Variants in CNTNAP2 observed in about 807,000 individuals in gnomAD.
The protein encoded by CNTNAP2 is contactin associated protein 2.
A neutral mutation model predicts 155.2 loss-of-function variants in CNTNAP2; 98 were observed. The observed-to-expected ratio is 0.63, with a 90% CI of 0.54 to 0.75. The LOEUF is 0.75. Among genes scored for constraint, CNTNAP2 ranks in the 30% least tolerant of loss-of-function variants. CNTNAP2 has a pLI of 0.00. For missense variants in CNTNAP2, 1,727 were observed against 1,688.1 expected (o/e 1.02, Z -0.40); for synonymous variants, 651 against 631.2 (o/e 1.03, Z -0.47).
intron 1 of CNTNAP2, among the ~76,000 whole-genome samples, chr7:146,535,846 T>C (rs867217981): frequency 1.3e-5 from 2 of 152,078 alleles, no homozygotes; most frequent in African/African-American, 4.8e-5. Flanking sequence ...AAACGGTTCA[T>C]CTCACATTGA....
Position 147,135,383 on chromosome 7 carries a change from A to T in CNTNAP2, c.1348+2874A>T, listed in dbSNP as rs145130231. The stretch of plus-strand genomic sequence containing the variant: ...AACAAACAAACAACAACAACAAAAA[A>T]CCCTACTTACTTTTTGAAATAAGTT... On this transcript the variant is annotated intron_variant, in intron 8 of 23. Coordinates refer to ENST00000361727, the MANE Select transcript of CNTNAP2 (RefSeq NM_014141.6). 6.7e-3 allele frequency among the ~76,000 whole-genome samples: 1,017 copies of T among 151,686 alleles called. 8 individuals are homozygous for T. The highest frequency in any genetic ancestry group is 0.023 in the African/African-American group (951 of 41,420).
At chr7:147,998,194 C>G (rs963278347) in intron 15 of CNTNAP2, among the ~76,000 whole-genome samples, 1 of 148,210 alleles carries the variant, frequency 6.7e-6, no homozygotes, top group African/African-American at 2.5e-5. Context: ...TCCCTGCAAC[C>G]TCTGCCTCCC....
intron 1 of CNTNAP2, among the ~76,000 whole-genome samples, chr7:146,300,269 T>C (rs1228272733): frequency 6.6e-6 from 1 of 152,200 alleles, no homozygotes; most frequent in African/African-American, 2.4e-5. Context: ...ATTTAGTCCA[T>C]AAATTAAATC....
chr7:146,508,143 T>C (rs1033001294), intron 1 of CNTNAP2, among the ~76,000 whole-genome samples: 1 of 152,230 alleles, frequency 6.6e-6, no homozygotes, highest in African/African-American at 2.4e-5. Flanking sequence ...TTCCATGCAC[T>C]ATCTGCACCT....
chr7:146,793,468 A>G (rs2129189576), intron 2 of CNTNAP2, among the ~76,000 whole-genome samples: 1 of 152,326 alleles, frequency 6.6e-6, no homozygotes, highest in Non-Finnish European at 1.5e-5. Context: ...ATGCAGTGGC[A>G]TTAATCTTTG....
At chr7:147,976,573 A>G (rs1474312603) in intron 14 of CNTNAP2, among the ~76,000 whole-genome samples, 1 of 152,200 alleles carries the variant, frequency 6.6e-6, no homozygotes, top group Non-Finnish European at 1.5e-5. Context: ...TGAAATAACT[A>G]AGGCAGTATA....
chr7:146,359,303 A>G (rs1370203697), intron 1 of CNTNAP2, among the ~76,000 whole-genome samples: 2 of 152,236 alleles, frequency 1.3e-5, no homozygotes, highest in Non-Finnish European at 2.9e-5. Flanking sequence ...TTCTGTGTTC[A>G]AGAAATAGAT....
chr7:147,423,621 G>A (rs959498843), intron 10 of CNTNAP2, among the ~76,000 whole-genome samples: 2 of 152,074 alleles, frequency 1.3e-5, no homozygotes, highest in Non-Finnish European at 2.9e-5. Context: ...ATTCTTTGGA[G>A]TTTTCAATAT....
intron 13 of CNTNAP2, among the ~76,000 whole-genome samples, chr7:147,834,080 T>C (rs1360873632): frequency 6.6e-6 from 1 of 152,200 alleles, no homozygotes; most frequent in African/African-American, 2.4e-5. Flanking sequence ...ATATAATCTA[T>C]AAATCAAGTC....
At chr7:147,792,866 A>G (rs1180494721) in intron 13 of CNTNAP2, among the ~76,000 whole-genome samples, 3 of 152,094 alleles carry the variant, frequency 2.0e-5, no homozygotes, top group Non-Finnish European at 2.9e-5. Context: ...AACATATGTT[A>G]TTGTCCATCT....
chr7:146,568,697 T>C (rs981390159), intron 1 of CNTNAP2, among the ~76,000 whole-genome samples: 17 of 152,158 alleles, frequency 1.1e-4, no homozygotes, highest in African/African-American at 3.9e-4. Context: ...CTACTGATTT[T>C]TGGTAGACAG....
At chr7:148,148,678 C>T (rs1162524700) in intron 17 of CNTNAP2, among the ~76,000 whole-genome samples, 1 of 152,174 alleles carries the variant, frequency 6.6e-6, no homozygotes, top group Non-Finnish European at 1.5e-5. Flanking sequence ...GGGCAGAGTC[C>T]CCACAGTGTC....
intron 8 of CNTNAP2, among the ~76,000 whole-genome samples, chr7:147,268,011 C>T (rs1413223560): frequency 6.6e-6 from 1 of 152,158 alleles, no homozygotes; most frequent in Admixed American, 6.5e-5. Flanking sequence ...CATGGTCTTT[C>T]ACTTTTCCCT....
chr7:148,290,175 T>C (rs1337701394), intron 21 of CNTNAP2, among the ~76,000 whole-genome samples: 2 of 152,322 alleles, frequency 1.3e-5, no homozygotes, highest in East Asian at 3.9e-4. Flanking sequence ...GGTTTTAGTA[T>C]TTAAGGTGAT....
chr7:146,734,776 T>C (rs1801583413), intron 1 of CNTNAP2, among the ~76,000 whole-genome samples: 1 of 152,216 alleles, frequency 6.6e-6, no homozygotes, highest in African/African-American at 2.4e-5. Flanking sequence ...TGCCATTACT[T>C]AATGATGCTA....
Position 146,502,264 on chromosome 7 carries a change from A to T in CNTNAP2, c.98-272007A>T, listed in dbSNP as rs1308863047. On this transcript the variant is annotated intron_variant, in intron 1 of 23. Coordinates refer to ENST00000361727, the MANE Select transcript of CNTNAP2 (RefSeq NM_014141.6). The stretch of plus-strand genomic sequence containing the variant: ...ATATATATATATATATATATATGTC[A>T]TATTTTCTTTATCCATTCATCTGTT... Among the ~76,000 whole-genome samples, 57 of 68,326 alleles carry T rather than the reference A, an allele frequency of 8.3e-4. 1 individual carries two copies. In the East Asian group the frequency reaches 0.023, roughly 28 times the overall value. The allele number at this position is 68,326 out of a possible 152,430, so 44.8% of individuals were successfully genotyped here.
At chr7:146,448,325 C>T (rs763818533) in intron 1 of CNTNAP2, among the ~76,000 whole-genome samples, 109 of 151,938 alleles carry the variant, frequency 7.2e-4, no homozygotes, top group Non-Finnish European at 1.2e-3. Flanking sequence ...AATTGGGTCT[C>T]CTGCCTTCCA....
intron 1 of CNTNAP2, among the ~76,000 whole-genome samples, chr7:146,271,343 T>C (rs1198190061): frequency 6.6e-6 from 1 of 152,070 alleles, no homozygotes; most frequent in East Asian, 1.9e-4. Flanking sequence ...AGAATCACCA[T>C]AGGATTATTG....
intron 1 of CNTNAP2, among the ~76,000 whole-genome samples, chr7:146,541,545 A>G (rs1797953924): frequency 6.6e-6 from 1 of 152,004 alleles, no homozygotes. Flanking sequence ...CTGTAGAAAT[A>G]TTCTTTACAT....
Sources: gnomAD v4.1 joint callset for allele counts (sites outside exome capture counted in the v4.1 genomes callset) on GRCh38, gnomAD v4.1.1 for gene constraint, MANE v1.5 for transcripts, NCBI Gene and HGNC (gene_info 2026-07-23, HGNC 2026-07-21) for gene names.